Variants in ANAPC5 observed in about 807,000 individuals in gnomAD.
ANAPC5 encodes the protein anaphase-promoting complex subunit 5.
ANAPC5 carries 60 observed loss-of-function variants against 91.3 expected under a neutral mutation model. That is an observed-to-expected ratio of 0.66 (90% confidence interval 0.53 to 0.81). ANAPC5 has a LOEUF of 0.81. Ranked by LOEUF, ANAPC5 falls within the 40% of genes least tolerant of loss-of-function variation. The pLI is 0.00. For missense variants in ANAPC5, 690 were observed against 931.5 expected (o/e 0.74, Z 3.37); for synonymous variants, 340 against 364.1 (o/e 0.93, Z 0.75).
intron 6 of ANAPC5, among the ~76,000 whole-genome samples, chr12:121,336,664 G>A (rs1242441966): frequency 6.6e-6 from 1 of 152,176 alleles, no homozygotes; most frequent in African/African-American, 2.4e-5. Flanking sequence ...TGGGCAACAA[G>A]AGCGAAACTC....
At position 121,309,756 on chromosome 12, in the gene ANAPC5, CACTAAGA is replaced by C; in HGVS notation, c.1994_2000del (p.Phe665TrpfsTer85). ...CTGCTGAAGCCACCTGGCACTTGGC[CACTAAGA>C]ACATGGCACGACCTTTGTCCAGGAT... is the stretch of plus-strand genomic sequence containing the variant. On this transcript the variant is annotated frameshift_variant, in exon 16 of 17. Transcript: ENST00000261819. LOFTEE classifies it high-confidence loss of function. 2 of 1,614,144 alleles carry C rather than the reference CACTAAGA, an allele frequency of 1.2e-6. No homozygotes were observed. Among genetic ancestry groups the C allele is most frequent in the Non-Finnish European group, 1.7e-6 (2 of 1,180,026 alleles).
intron 4 of ANAPC5, among the ~76,000 whole-genome samples, chr12:121,343,180 A>G (rs1003159057): frequency 5.3e-5 from 8 of 152,210 alleles, no homozygotes; most frequent in African/African-American, 1.4e-4. Context: ...TCAAGTTAAG[A>G]GAAAACCAAC....
At chr12:121,349,492 G>A (rs1555275064) in intron 1 of ANAPC5, among the ~76,000 whole-genome samples, 2 of 151,824 alleles carry the variant, frequency 1.3e-5, no homozygotes, top group Non-Finnish European at 2.9e-5. Context: ...CCTGGGAGGT[G>A]GAGGCTATGG....
In ANAPC5 at chr12:121,320,449, G is replaced by C; in HGVS notation, c.1451C>G (p.Ala484Gly). ...AELHAEQGCF[A>G]AASEVLKHLK... ...GTGCTTTAACACTTCAGAAGCTGCA[G>C]CAAAACAGCCCTAAAGTAGAAACAC... The change falls in exon 12 of 17, where the codon GCT becomes GGT. Residue 484 changes from alanine to glycine, a missense_variant. Physicochemically the swap from Ala to Gly is moderately conservative, Grantham distance 60 (BLOSUM62 0). Around this residue, in one of 5 missense-constraint regions of ANAPC5, gnomAD observed 317 missense variants for 438.7 expected, o/e 0.72. Coordinates refer to ENST00000261819, the MANE Select transcript of ANAPC5 (RefSeq NM_016237.5). The C allele has an allele frequency of 6.2e-7, 1 of 1,613,736 alleles. No individual in the cohort carries two copies. The highest frequency in any genetic ancestry group is 8.5e-7 in the Non-Finnish European group (1 of 1,179,698).
Position 121,330,666 on chromosome 12 carries a change from G to A in ANAPC5, c.1039C>T (p.Leu347Phe). The change falls in exon 9 of 17, where the codon CTT (leucine) becomes TTT (phenylalanine). Residue 347 changes from leucine to phenylalanine, a missense_variant. Physicochemically the swap from Leu to Phe is conservative, Grantham distance 22. This residue lies in a region of ANAPC5 where 36 missense variants were observed against 27.6 expected (regional missense o/e 1.30). Transcript: ENST00000261819. ...GATCTCTTCTGCCCCAGCACATAAA[G>A]CCAGCTCTGGCAAGAGAAATCATCA... ...HVCLQHCLSWLYVLGQKRSDS... is the reference protein window; with the variant it reads ...HVCLQHCLSWFYVLGQKRSDS... 1 of 1,613,936 alleles carries A rather than the reference G, an allele frequency of 6.2e-7. No homozygotes were observed. Among genetic ancestry groups the A allele is most frequent in the Non-Finnish European group, 8.5e-7 (1 of 1,179,830 alleles).
chr12:121,323,283 AATGTACATTC>A, intron 11 of ANAPC5, among the ~76,000 whole-genome samples: 1 of 152,208 alleles, frequency 6.6e-6, no homozygotes, highest in South Asian at 2.1e-4. Flanking sequence ...GCTTTCTGTG[AATGTACATTC>A]ATGACTTTTT....
At chr12:121,323,811 G>T (rs1294179143) in intron 11 of ANAPC5, among the ~76,000 whole-genome samples, 1 of 152,094 alleles carries the variant, frequency 6.6e-6, no homozygotes, top group Non-Finnish European at 1.5e-5. Context: ...ATTTTAACTG[G>T]CCAGTCTCAC....
chr12:121,341,387 T>C (rs1903453517), intron 5 of ANAPC5, among the ~76,000 whole-genome samples: 1 of 151,218 alleles, frequency 6.6e-6, no homozygotes, highest in Non-Finnish European at 1.5e-5. Flanking sequence ...TAAGAATAGC[T>C]TTAACCCAGG....
Position 121,320,365 on chromosome 12 carries a change from C to T in ANAPC5, c.1515+20G>A. 1.2e-6 allele frequency: 2 copies of T among 1,608,172 alleles called. No individual in the cohort carries two copies. The highest frequency in any genetic ancestry group is 1.7e-5 in the Admixed American group (1 of 59,830). On this transcript the variant is annotated intron_variant, in intron 12 of 16. Coordinates refer to ENST00000261819, the MANE Select transcript of ANAPC5 (RefSeq NM_016237.5). ...ATTTTTATCAGAAATAAATCTATTG[C>T]CATGCAAAAGGCAGATTACCTGGGC...
At chr12:121,312,706 C>CAA (rs34791908) in intron 15 of ANAPC5, among the ~76,000 whole-genome samples, 3,900 of 46,646 alleles carry the variant, frequency 0.084, 314 homozygotes, top group African/African-American at 0.19. Context: ...GACTCTGTCA[C>CAA]AAAAAAAAAA....
intron 11 of ANAPC5, among the ~76,000 whole-genome samples, chr12:121,324,442 G>C (rs1902733287): frequency 6.6e-6 from 1 of 152,156 alleles, no homozygotes; most frequent in African/African-American, 2.4e-5. Flanking sequence ...CAATGATTGG[G>C]TCAGCAGGTT....
In ANAPC5 at chr12:121,337,388, GA is replaced by G. The variant is rs1903279811; in HGVS notation, c.661del (p.Ser221LeufsTer3). ...CTTAGTCTCATCATTCTTTAGCAAA[GA>G]AGCCTGAAATTTAAAAATGGTAACT... is the stretch of plus-strand genomic sequence containing the variant. Reference protein sequence around the residue: ...QAEFFLSQQASLLKNDETKAL... With the variant: ...QAEFFLSQQAXLLKNDETKAL... On this transcript the variant is annotated frameshift_variant, in exon 6 of 17. Coordinates refer to ENST00000261819, the MANE Select transcript of ANAPC5 (RefSeq NM_016237.5). LOFTEE classifies it high-confidence loss of function. The G allele has an allele frequency of 6.2e-7, 1 of 1,610,348 alleles. No individual in the cohort carries two copies. Among genetic ancestry groups the G allele is most frequent in the South Asian group, 1.1e-5 (1 of 90,980 alleles).
In ANAPC5 at chr12:121,345,881, C is replaced by A. The variant is rs1555274614; in HGVS notation, c.548G>T (p.Gly183Val). 1 of 1,613,840 alleles carries A rather than the reference C, an allele frequency of 6.2e-7. No homozygotes were observed. Among genetic ancestry groups the A allele is most frequent in the Non-Finnish European group, 8.5e-7 (1 of 1,179,952 alleles). Residue 183 changes from glycine to valine, a missense_variant, in exon 4 of 17, where the codon GGT (glycine) becomes GTT (valine). By Grantham distance (109) the Gly-to-Val change is moderately radical. This residue lies in a region of ANAPC5 where 238 missense variants were observed against 264.9 expected (regional missense o/e 0.90). Transcript: ENST00000261819. The stretch of plus-strand genomic sequence containing the variant: ...TTCTTCTTTTTCCATTTTTCTTTCA[C>A]CCTCATCTCTACTGGTCAGTTCCAT... ...ADMELTSRDE[G>V]ERKMEKEELD...
chr12:121,310,844 G>T (rs1902137094), intron 15 of ANAPC5, among the ~76,000 whole-genome samples: 1 of 142,860 alleles, frequency 7.0e-6, no homozygotes, highest in Non-Finnish European at 1.5e-5. Context: ...TGAGACAGGA[G>T]AATCACTTGA....
intron 15 of ANAPC5, among the ~76,000 whole-genome samples, chr12:121,317,259 T>A (rs923174541): frequency 4.0e-5 from 6 of 151,584 alleles, no homozygotes; most frequent in Non-Finnish European, 8.8e-5. Context: ...CATACTTTTT[T>A]TTTTTTTTTT....
At chr12:121,309,360 C>A (rs1231554629) in intron 16 of ANAPC5, among the ~76,000 whole-genome samples, 1 of 151,490 alleles carries the variant, frequency 6.6e-6, no homozygotes, top group Non-Finnish European at 1.5e-5. Flanking sequence ...ATTGCTTGAA[C>A]CTGGAAGGCG....
intron 7 of ANAPC5, 109 bp from the exon 8 acceptor site, chr12:121,331,537 G>A (rs1903043350): frequency 3.5e-6 from 3 of 855,080 alleles, no homozygotes; most frequent in Non-Finnish European, 5.4e-6. Context: ...TCTCTGGGTT[G>A]GAAGCTGTAA....
intron 5 of ANAPC5, among the ~76,000 whole-genome samples, chr12:121,340,890 C>T (rs1300016164): frequency 6.6e-6 from 1 of 151,290 alleles, no homozygotes; most frequent in Non-Finnish European, 1.5e-5. Context: ...ATAAACATTA[C>T]ATCTTTCTGC....
chr12:121,308,762 T>C (rs1217841244), intron 16 of ANAPC5, 71 bp from the exon 17 acceptor site: 1 of 1,244,222 alleles, frequency 8.0e-7, no homozygotes, highest in African/African-American at 1.5e-5. Flanking sequence ...AACGTGGTAT[T>C]TAGTTTTATT....
Sources: allele counts gnomAD v4.1 joint callset (sites outside exome capture counted in the v4.1 genomes callset), GRCh38; gene constraint gnomAD v4.1.1; regional missense constraint gnomAD v4.1.1; transcripts MANE v1.5; gene names NCBI Gene and HGNC (gene_info 2026-07-23, HGNC 2026-07-21).